The following GGA3 variants were observed in gnomAD, a reference collection of about 807,000 sequenced individuals.
GGA3 encodes ADP-ribosylation factor-binding protein GGA3.
GGA3 carries 57 observed loss-of-function variants against 77.5 expected under a neutral mutation model. The ratio of observed to expected loss-of-function variants is 0.74; its 90% CI spans 0.59 to 0.92. The LOEUF is 0.92. GGA3 is among the 40% of genes least tolerant of loss of function. GGA3 has a pLI of 0.00. For missense variants in GGA3, 970 were observed against 914.9 expected (o/e 1.06, Z -0.78); for synonymous variants, 416 against 383.7 (o/e 1.08, Z -0.98).
rs375957377 is a variant in GGA3 at position 75,255,093 on chromosome 17, C to T, written c.40+6455G>A. On this transcript the variant is annotated intron_variant, in intron 1 of 16. Coordinates refer to ENST00000537686, the MANE Select transcript of GGA3 (RefSeq NM_138619.4). Reference sequence around the variant, plus strand: ...AAGCCCCATAGACCATCACAGATGCCGAGCTTTAGGTAACTCTCACAGTGG... The same window carrying T: ...AAGCCCCATAGACCATCACAGATGCTGAGCTTTAGGTAACTCTCACAGTGG... 5.3e-5 allele frequency among the ~76,000 whole-genome samples: 8 copies of T among 152,270 alleles called. No individual in the cohort carries two copies. The East Asian group carries it at 1.2e-3, about 22-fold the overall frequency.
chr17:75,257,288 C>G (rs112050589), intron 1 of GGA3, among the ~76,000 whole-genome samples: 1,467 of 133,480 alleles, frequency 0.011, 28 homozygotes, highest in African/African-American at 0.037. Flanking sequence ...GCCCCCCCCC[C>G]CAAAAAAAAC....
intron 3 of GGA3, among the ~76,000 whole-genome samples, chr17:75,245,209 G>A (rs987382053): frequency 6.6e-6 from 1 of 152,180 alleles, no homozygotes; most frequent in African/African-American, 2.4e-5. Flanking sequence ...CCTAACTCAC[G>A]CTTTGGCTTT....
Position 75,237,544 on chromosome 17 carries a change from G to A in GGA3, c.*735C>T. On this transcript the variant is annotated 3_prime_UTR_variant, in exon 17 of 17. Transcript: ENST00000537686. ...CTGAGTACCTGCTTCTGGAGAAGGGGAAATACTGGCTCTCTTCATTTTCCT... is the reference window on the plus strand; with the variant it reads ...CTGAGTACCTGCTTCTGGAGAAGGGAAAATACTGGCTCTCTTCATTTTCCT... The A allele has an allele frequency of 6.5e-7, 1 of 1,535,894 alleles. No homozygotes were observed. Among genetic ancestry groups the A allele is most frequent in the Non-Finnish European group, 8.7e-7 (1 of 1,146,704 alleles).
chr17:75,237,158 G>T lies in GGA3; in HGVS notation c.*1121C>A, dbSNP rs1373006073. 1 of 420,524 alleles carries T rather than the reference G, an allele frequency of 2.4e-6. No individual in the cohort carries two copies. The highest frequency in any genetic ancestry group is 2.0e-5 in the African/African-American group (1 of 50,562). The allele number at this position is 420,524 out of a possible 1,614,324, so 26.0% of individuals were successfully genotyped here. ...TAGAGTGGCTGGGACAAGCTGGCGGGGGCCAAGCACTGTTGAAGCAATAGG... is the reference window on the plus strand; with the variant it reads ...TAGAGTGGCTGGGACAAGCTGGCGGTGGCCAAGCACTGTTGAAGCAATAGG... On this transcript the variant is annotated 3_prime_UTR_variant, in exon 17 of 17. Transcript: ENST00000537686.
rs768846061 is a variant in GGA3 at position 75,240,994 on chromosome 17, C to A, written c.1010G>T (p.Ser337Ile). The A allele has an allele frequency of 6.2e-7, 1 of 1,613,926 alleles. No individual in the cohort carries two copies. Among genetic ancestry groups the A allele is most frequent in the Non-Finnish European group, 8.5e-7 (1 of 1,179,930 alleles). ...IDLAELDTTN[S>I]LSSVLAPAPT... ...TGCTGGGGCCAACACGGAGGACAAA[C>A]TGTTGGTCGTGTCCAGCTCCGCAAG... Residue 337 changes from serine to isoleucine, a missense_variant, in exon 11 of 17, where the codon AGT becomes ATT. Coordinates refer to ENST00000537686, the MANE Select transcript of GGA3 (RefSeq NM_138619.4).
intron 1 of GGA3, among the ~76,000 whole-genome samples, chr17:75,255,323 T>C (rs912990915): frequency 1.8e-4 from 28 of 152,078 alleles, no homozygotes; most frequent in East Asian, 1.2e-3. Flanking sequence ...ACCTGCCCAG[T>C]TCCCTTATTA....
intron 13 of GGA3, 69 bp from the exon 14 acceptor site, chr17:75,239,640 C>G (rs1309344376): frequency 6.9e-7 from 1 of 1,458,004 alleles, no homozygotes; most frequent in African/African-American, 1.4e-5. Flanking sequence ...CACCCAAGGC[C>G]CCTGACCATG....
intron 1 of GGA3, chr17:75,248,922 C>T: frequency 1.0e-6 from 1 of 985,286 alleles, no homozygotes; most frequent in East Asian, 1.1e-4. Context: ...CGACAGCTGC[C>T]AGGCAGAGGG....
chr17:75,259,841 T>C (rs1193057257), intron 1 of GGA3, among the ~76,000 whole-genome samples: 3 of 152,206 alleles, frequency 2.0e-5, no homozygotes, highest in Non-Finnish European at 4.4e-5. Context: ...ACCAAGTGTG[T>C]CCCTCTCATT....
chr17:75,243,890 C>T (rs748502601), intron 4 of GGA3, among the ~76,000 whole-genome samples: 1 of 152,106 alleles, frequency 6.6e-6, no homozygotes, highest in Non-Finnish European at 1.5e-5. Context: ...CCCCATTTGC[C>T]GCCTGGGATC....
At chr17:75,242,525 C>G in intron 7 of GGA3, 52 bp from the exon 8 acceptor site, 2 of 1,607,266 alleles carry the variant, frequency 1.2e-6, no homozygotes, top group Non-Finnish European at 1.7e-6. Context: ...GACTGTCTTT[C>G]CACTTCCACC....
chr17:75,259,887 C>A (rs544662091), intron 1 of GGA3, among the ~76,000 whole-genome samples: 1 of 152,140 alleles, frequency 6.6e-6, no homozygotes, highest in Non-Finnish European at 1.5e-5. Context: ...CGGTAGCTCA[C>A]GTGTGTAATC....
At position 75,241,027 on chromosome 17, in the gene GGA3, AGCGT is replaced by A; in HGVS notation, c.973_976del (p.Thr325SerfsTer198). On this transcript the variant is annotated frameshift_variant, in exon 11 of 17. Coordinates refer to ENST00000537686, the MANE Select transcript of GGA3 (RefSeq NM_138619.4). LOFTEE classifies it high-confidence loss of function. Reference sequence around the variant, plus strand: ...CGTGTCCAGCTCCGCAAGGTCGATGAGCGTGCCTTGGTTACTGCACTGACTGTTT... The same window carrying A: ...CGTGTCCAGCTCCGCAAGGTCGATGAGCCTTGGTTACTGCACTGACTGTTT... 1 of 1,614,098 alleles carries A rather than the reference AGCGT, an allele frequency of 6.2e-7. No homozygotes were observed. The highest frequency in any genetic ancestry group is 8.5e-7 in the Non-Finnish European group (1 of 1,179,982).
upstream of GGA3, chr17:75,262,001 AGCG>A (rs201250761): frequency 2.4e-5 from 36 of 1,485,726 alleles, no homozygotes; most frequent in East Asian, 2.0e-4. Flanking sequence ...GGTGGCGAGC[AGCG>A]GCGGGGGGGC....
Position 75,240,325 on chromosome 17 carries a change from C to T in GGA3, c.1263+17G>A, listed in dbSNP as rs192155031. 1.4e-5 allele frequency: 22 copies of T among 1,551,060 alleles called. No homozygotes were observed. In the African/African-American group the frequency reaches 1.5e-4, roughly 10 times the overall value. On this transcript the variant is annotated intron_variant, in intron 12 of 16. Coordinates refer to ENST00000537686, the MANE Select transcript of GGA3 (RefSeq NM_138619.4). ...GTCCTTGGCACAGTAGTGCTGTCAC[C>T]GATCCTGTGCCCCTACCTGGAGCAG... is the stretch of plus-strand genomic sequence containing the variant.
At chr17:75,258,107 C>A (rs1168155346) in intron 1 of GGA3, among the ~76,000 whole-genome samples, 2 of 152,136 alleles carry the variant, frequency 1.3e-5, no homozygotes, top group Non-Finnish European at 2.9e-5. Context: ...TCCCTGCCCG[C>A]AAAACATTGC....
chr17:75,247,495 C>T (rs1203284234), intron 1 of GGA3, among the ~76,000 whole-genome samples: 1 of 152,200 alleles, frequency 6.6e-6, no homozygotes, highest in Non-Finnish European at 1.5e-5. Context: ...CTCCCGACCT[C>T]AGGTGATCGG....
At chr17:75,250,220 C>A (rs1203245248) in intron 1 of GGA3, among the ~76,000 whole-genome samples, 1 of 152,246 alleles carries the variant, frequency 6.6e-6, no homozygotes, top group East Asian at 1.9e-4. Flanking sequence ...GACACCCGAG[C>A]TTCCCCTATA....
intron 5 of GGA3, 125 bp downstream of exon 5, chr17:75,243,322 C>A (rs2076639997): frequency 7.6e-7 from 1 of 1,312,476 alleles, no homozygotes. Flanking sequence ...TCCGACTCAG[C>A]CTTGCCTGGG....
Sources: gnomAD v4.1 joint callset for allele counts (sites outside exome capture counted in the v4.1 genomes callset) on GRCh38, gnomAD v4.1.1 for gene constraint, MANE v1.5 for transcripts, NCBI Gene and HGNC (gene_info 2026-07-23, HGNC 2026-07-21) for gene names.